The following PAPPA2 variants were observed in gnomAD, a reference collection of about 807,000 sequenced individuals.
PAPPA2 encodes pappalysin-2.
A neutral mutation model predicts 176.4 loss-of-function variants in PAPPA2; 86 were observed. The ratio of observed to expected loss-of-function variants is 0.49; its 90% CI spans 0.41 to 0.58. The LOEUF (loss-of-function observed/expected upper bound fraction) is 0.58, where lower values mean the gene tolerates loss of function less well. Ranked by LOEUF, PAPPA2 falls within the 20% of genes least tolerant of loss-of-function variation. The probability of loss-of-function intolerance (pLI) is 0.00; values close to 1 mark genes in which losing one functional copy is unlikely to be tolerated. For synonymous variants in PAPPA2, 809 were observed against 852.2 expected (o/e 0.95, Z 0.88); for missense variants, 2,073 against 2,256.9 (o/e 0.92, Z 1.65).
At chr1:176,620,788 G>C (rs1055469874) in intron 3 of PAPPA2, among the ~76,000 whole-genome samples, 1 of 152,064 alleles carries the variant, frequency 6.6e-6, no homozygotes, top group Non-Finnish European at 1.5e-5. Flanking sequence ...AGTTTCTGAG[G>C]GTCAGAAATC....
intron 21 of PAPPA2, among the ~76,000 whole-genome samples, chr1:176,814,894 C>T (rs1438519603): frequency 1.3e-5 from 2 of 152,154 alleles, no homozygotes; most frequent in South Asian, 2.1e-4. Context: ...AGATTTTGCC[C>T]ATGCAGTATG....
At chr1:176,673,791 G>A (rs554475099) in intron 4 of PAPPA2, among the ~76,000 whole-genome samples, 1 of 152,238 alleles carries the variant, frequency 6.6e-6, no homozygotes, top group South Asian at 2.1e-4. Flanking sequence ...GAAGAAAAAT[G>A]CATTGAAGTG....
chr1:176,488,613 A>G (rs767143170), intron 1 of PAPPA2, among the ~76,000 whole-genome samples: 2 of 152,230 alleles, frequency 1.3e-5, no homozygotes, highest in African/African-American at 2.4e-5. Context: ...GATGCGAAAC[A>G]TCCAGCACAA....
rs542745493 is a variant in PAPPA2 at position 176,549,954 on chromosome 1, G to C, written c.-916-5453G>C. On this transcript the variant is annotated intron_variant, in intron 1 of 22. Coordinates refer to ENST00000367662, the MANE Select transcript of PAPPA2 (RefSeq NM_020318.3). The stretch of plus-strand genomic sequence containing the variant: ...ATGCATCATCACCACAACCAAGATA[G>C]AGAATAGCTGTGTAAGCCCCAAATC... Among the ~76,000 whole-genome samples, 17 of 152,296 alleles carry C rather than the reference G, an allele frequency of 1.1e-4. No homozygotes were observed. In the East Asian group the frequency reaches 2.3e-3, roughly 21 times the overall value.
chr1:176,690,509 G>T lies in PAPPA2; in HGVS notation c.2431+79G>T, dbSNP rs1278970399. ...GAGCTGGGAGGGTGGAGGTGTGGGA[G>T]CTGATGGGAGAATGATTAAGTGGTC... On this transcript the variant is annotated intron_variant, in intron 5 of 22. Coordinates refer to ENST00000367662, the MANE Select transcript of PAPPA2 (RefSeq NM_020318.3). 2.6e-6 allele frequency: 4 copies of T among 1,560,218 alleles called. No homozygotes were observed. In the Admixed American group the frequency reaches 7.2e-5, roughly 28 times the overall value.
chr1:176,666,366 C>T (rs983145090), intron 3 of PAPPA2, among the ~76,000 whole-genome samples: 9 of 151,226 alleles, frequency 6.0e-5, no homozygotes, highest in African/African-American at 1.7e-4. Context: ...GTGGTACAGA[C>T]GAAAGCCAGA....
chr1:176,790,607 G>A (rs1244957679), intron 18 of PAPPA2, among the ~76,000 whole-genome samples: 2 of 152,176 alleles, frequency 1.3e-5, no homozygotes, highest in Non-Finnish European at 2.9e-5. Flanking sequence ...CCATGGAACA[G>A]ATGTGAAAAG....
intron 2 of PAPPA2, among the ~76,000 whole-genome samples, chr1:176,578,743 G>T (rs759477098): frequency 6.6e-6 from 1 of 152,140 alleles, no homozygotes; most frequent in Non-Finnish European, 1.5e-5. Flanking sequence ...AGAGAGATAC[G>T]TATTGATAAC....
chr1:176,633,931 A>C (rs952700726), intron 3 of PAPPA2, among the ~76,000 whole-genome samples: 3 of 152,232 alleles, frequency 2.0e-5, no homozygotes, highest in African/African-American at 7.2e-5. Context: ...ATCATTAAAA[A>C]GTCAGGAAAC....
At chr1:176,756,961 G>A (rs1025266858) in intron 14 of PAPPA2, among the ~76,000 whole-genome samples, 3 of 152,128 alleles carry the variant, frequency 2.0e-5, no homozygotes, top group South Asian at 2.1e-4. Flanking sequence ...TGCAGTGTTT[G>A]GTTTTCTGTC....
At chr1:176,741,906 C>T (rs976881760) in intron 14 of PAPPA2, among the ~76,000 whole-genome samples, 2 of 152,150 alleles carry the variant, frequency 1.3e-5, no homozygotes, top group African/African-American at 4.8e-5. Flanking sequence ...TGGCCTTAAG[C>T]CATACAGCAT....
intron 14 of PAPPA2, among the ~76,000 whole-genome samples, chr1:176,744,123 T>A (rs1408989): frequency 0.57 from 87,100 of 152,008 alleles, 26,238 homozygotes; most frequent in East Asian, 0.92. Flanking sequence ...ATTTATATAA[T>A]TTGATATTAG....
chr1:176,567,611 C>T (rs537613593), intron 2 of PAPPA2, among the ~76,000 whole-genome samples: 12 of 152,294 alleles, frequency 7.9e-5, no homozygotes, highest in African/African-American at 2.9e-4. Context: ...GTTGGGGAAT[C>T]AAGAACTACT....
chr1:176,823,158 T>C (rs1244027937), intron 21 of PAPPA2, among the ~76,000 whole-genome samples: 1 of 152,208 alleles, frequency 6.6e-6, no homozygotes, highest in Non-Finnish European at 1.5e-5. Flanking sequence ...TTCCTGCCCC[T>C]CCATTCCAGA....
rs750221893 is a variant in PAPPA2, at chr1:176,595,288, A to G, written c.1684A>G (p.Asn562Asp). The change falls in exon 3 of 23, where the codon AAC becomes GAC. Residue 562 changes from asparagine to aspartate, a missense_variant. This residue lies in a region of PAPPA2 where 1,196 missense variants were observed against 1,330.4 expected (regional missense o/e 0.90). Coordinates refer to ENST00000367662, the MANE Select transcript of PAPPA2 (RefSeq NM_020318.3). ...EALNEAFSRY[N>D]ISWQLSVHQV... ...ACTGAATGAGGCCTTCAGCCGCTAC[A>G]ACATCAGCTGGCAGCTGAGCGTCCA... The G allele has an allele frequency of 1.9e-6, 3 of 1,614,226 alleles. No individual in the cohort carries two copies. Among genetic ancestry groups the G allele is most frequent in the Middle Eastern group, 1.6e-4 (1 of 6,062 alleles).
chr1:176,575,659 GC>G (rs1652601063), intron 2 of PAPPA2, among the ~76,000 whole-genome samples: 1 of 152,186 alleles, frequency 6.6e-6, no homozygotes, highest in East Asian at 1.9e-4. Flanking sequence ...AGGCAAAAAT[GC>G]CCATAATTAA....
At chr1:176,576,933 C>T (rs868575718) in intron 2 of PAPPA2, among the ~76,000 whole-genome samples, 10 of 150,402 alleles carry the variant, frequency 6.6e-5, no homozygotes, top group Non-Finnish European at 1.3e-4. Context: ...TTCAGTTCCC[C>T]GGGTTGTTTG....
At chr1:176,598,268 G>GT (rs145630618) in intron 3 of PAPPA2, among the ~76,000 whole-genome samples, 11,352 of 150,274 alleles carry the variant, frequency 0.076, 503 homozygotes, top group East Asian at 0.21. Context: ...TTTTTCACCT[G>GT]TTTTTTTTTC....
chr1:176,669,370 T>C (rs1225894915), intron 3 of PAPPA2, among the ~76,000 whole-genome samples: 1 of 152,112 alleles, frequency 6.6e-6, no homozygotes, highest in South Asian at 2.1e-4. Context: ...CATCTCCATG[T>C]TGAAGACTCA....
Sources: gnomAD v4.1 joint callset for allele counts (sites outside exome capture counted in the v4.1 genomes callset) on GRCh38, gnomAD v4.1.1 for gene constraint, gnomAD v4.1.1 regional missense constraint, MANE v1.5 for transcripts, NCBI Gene and HGNC (gene_info 2026-07-23, HGNC 2026-07-21) for gene names.